GPX5: variants seen among roughly 807,000 people sequenced by gnomAD.
GPX5 encodes glutathione peroxidase 5.
GPX5 carries 20 observed loss-of-function variants against 23.8 expected under a neutral mutation model. The ratio of observed to expected loss-of-function variants is 0.84; its 90% CI spans 0.59 to 1.22. The LOEUF (loss-of-function observed/expected upper bound fraction) is 1.22, where lower values mean the gene tolerates loss of function less well. GPX5 is among the 50% of genes most tolerant of loss of function. GPX5 has a pLI of 0.00. For synonymous variants in GPX5, 92 were observed against 99.5 expected (o/e 0.92, Z 0.45); for missense variants, 230 against 266.6 (o/e 0.86, Z 0.96).
intron 1 of GPX5, chr6:28,528,434 C>T: frequency 6.6e-6 from 1 of 152,118 alleles, no homozygotes; most frequent in Non-Finnish European, 1.5e-5. Flanking sequence ...AGTGTTCTTT[C>T]TACTCTACCT....
rs911217423 is a variant in GPX5 at position 28,532,109 on chromosome 6, A to T, written c.360-212A>T. Among the ~76,000 whole-genome samples, 4 of 152,150 alleles carry T rather than the reference A, an allele frequency of 2.6e-5. No individual in the cohort carries two copies. In the East Asian group the frequency reaches 7.8e-4, roughly 30 times the overall value. On this transcript the variant is annotated intron_variant, in intron 3 of 4. Coordinates refer to ENST00000412168, the MANE Select transcript of GPX5 (RefSeq NM_001509.3). ...CTGAGACTTGGATGGACTATGGAGG[A>T]CAGAAGGGATGGAGGAAAAGAGACA... is the stretch of plus-strand genomic sequence containing the variant.
At chr6:28,533,160 T>A (rs1345398363) in intron 4 of GPX5, among the ~76,000 whole-genome samples, 1 of 150,998 alleles carries the variant, frequency 6.6e-6, no homozygotes, top group Non-Finnish European at 1.5e-5. Context: ...CCAACAGGTA[T>A]GATACAGTGT....
rs1763342315 is a variant in GPX5, at chr6:28,532,332, CA to C, written c.372del (p.Gly126GlufsTer15). 4 of 1,574,458 alleles carry C rather than the reference CA, an allele frequency of 2.5e-6. No homozygotes were observed. The Middle Eastern group carries it at 5.0e-4, about 198-fold the overall frequency. On this transcript the variant is annotated frameshift_variant, in exon 4 of 5. Transcript: ENST00000412168. LOFTEE classifies it high-confidence loss of function. ...ATGGCTTGTTGCAGGTATGTCCGTC[CA>C]GGGGGAGGATTTGTACCTAGTTTCC... The part of the protein sequence containing the change: ...EILPGLKYVR[P>X]GGGFVPSFQL...
In GPX5 at chr6:28,534,243, G is replaced by T; in HGVS notation, c.*76G>T. The T allele has an allele frequency of 9.4e-7, 1 of 1,061,950 alleles. No homozygotes were observed. The highest frequency in any genetic ancestry group is 1.3e-6 in the Non-Finnish European group (1 of 746,372). 65.8% of individuals were successfully genotyped at this position (1,061,950 alleles called of 1,614,324 possible). A position where few individuals can be genotyped will look rare whatever the true frequency, so the allele number is the denominator to read the frequency against. ...CTCTCCCCACCCCTCCAAAAAAAAG[G>T]AATACCCATCTTCTCACCACACTCT... On this transcript the variant is annotated 3_prime_UTR_variant, in exon 5 of 5. Coordinates refer to ENST00000412168, the MANE Select transcript of GPX5 (RefSeq NM_001509.3).
At chr6:28,529,097 T>G (rs1763264281) in intron 1 of GPX5, among the ~76,000 whole-genome samples, 1 of 151,726 alleles carries the variant, frequency 6.6e-6, no homozygotes, top group African/African-American at 2.4e-5. Context: ...AACTATCTTT[T>G]TTTTTTCTCA....
At chr6:28,531,141 G>A (rs1763303375) in intron 2 of GPX5, among the ~76,000 whole-genome samples, 1 of 148,220 alleles carries the variant, frequency 6.7e-6, no homozygotes, top group Non-Finnish European at 1.5e-5. Flanking sequence ...TCCACTCAGG[G>A]TGAGCCAGGC....
intron 1 of GPX5, chr6:28,528,318 G>T (rs969794237): frequency 1.3e-5 from 2 of 152,134 alleles, no homozygotes; most frequent in African/African-American, 2.4e-5. Flanking sequence ...TAAGAATCTA[G>T]ATAAATATCT....
Position 28,531,839 on chromosome 6 carries a change from C to T in GPX5, c.303C>T (p.Cys101=), listed in dbSNP as rs1008381281. The change falls in exon 3 of 5, where the codon TGC becomes TGT. Residue 101 remains cysteine, a synonymous_variant. Transcript: ENST00000412168. ...GTCTAGTTGTGTTGGGCTTTCCCTG[C>T]AACCAATTTGGAAAGCAAGAACCAG... The part of the protein sequence containing the change: ...PYGLVVLGFP[C]NQFGKQEPGD... 2 of 1,613,822 alleles carry T rather than the reference C, an allele frequency of 1.2e-6. No individual in the cohort carries two copies. Among genetic ancestry groups the T allele is most frequent in the South Asian group, 1.1e-5 (1 of 91,060 alleles).
rs1763384160 is a variant in GPX5 at position 28,534,278 on chromosome 6, T to C, written c.*111T>C. The C allele has an allele frequency of 2.9e-6, 2 of 682,680 alleles. No individual in the cohort carries two copies. Among genetic ancestry groups the C allele is most frequent in the Non-Finnish European group, 4.7e-6 (2 of 425,938 alleles). 42.3% of individuals were successfully genotyped at this position (682,680 alleles called of 1,614,324 possible). On this transcript the variant is annotated 3_prime_UTR_variant, in exon 5 of 5. Coordinates refer to ENST00000412168, the MANE Select transcript of GPX5 (RefSeq NM_001509.3). ...CTTCTCACCACACTCTCTTCCTGCA[T>C]GGGCTCCACCTGAGTAAATCACCGC...
At chr6:28,530,572 C>T (rs1386641601) in intron 2 of GPX5, among the ~76,000 whole-genome samples, 1 of 152,172 alleles carries the variant, frequency 6.6e-6, no homozygotes, top group African/African-American at 2.4e-5. Context: ...CCCTCCCCAG[C>T]TGATAACACA....
At position 28,534,652 on chromosome 6, in the gene GPX5, C is replaced by T. The variant is rs1419606768; in HGVS notation, c.*485C>T. On this transcript the variant is annotated 3_prime_UTR_variant, in exon 5 of 5. Coordinates refer to ENST00000412168, the MANE Select transcript of GPX5 (RefSeq NM_001509.3). The stretch of plus-strand genomic sequence containing the variant: ...AGGACAAACGTGTATCATCAGTTTC[C>T]AACTGTTTTGGCTCAGTTTTCATCC... 6.5e-6 allele frequency: 1 copy of T among 153,034 alleles called. No homozygotes were observed. Among genetic ancestry groups the T allele is most frequent in the Non-Finnish European group, 1.5e-5 (1 of 68,692 alleles). The allele number at this position is 153,034 out of a possible 1,614,324, so 9.5% of individuals were successfully genotyped here. A position where few individuals can be genotyped will look rare whatever the true frequency, so the allele number is the denominator to read the frequency against.
At chr6:28,531,030 T>G (rs28382602) in intron 2 of GPX5, among the ~76,000 whole-genome samples, 10,273 of 152,168 alleles carry the variant, frequency 0.068, 391 homozygotes, top group African/African-American at 0.092. Flanking sequence ...GGATTTTTAG[T>G]AAGAATGCAT....
intron 1 of GPX5, chr6:28,528,395 C>A (rs184621547): frequency 6.6e-6 from 1 of 152,274 alleles, no homozygotes; most frequent in African/African-American, 2.4e-5. Context: ...AGGAATTTAA[C>A]AATGGAGCTG....
chr6:28,530,708 A>C lies in GPX5; in HGVS notation c.242-1070A>C, dbSNP rs564077695. Among the ~76,000 whole-genome samples the C allele has an allele frequency of 2.6e-4, 39 of 152,348 alleles. 1 individual carries two copies. The East Asian group carries it at 7.3e-3, about 29-fold the overall frequency. On this transcript the variant is annotated intron_variant, in intron 2 of 4. Coordinates refer to ENST00000412168, the MANE Select transcript of GPX5 (RefSeq NM_001509.3). ...ACCACAATTTATTTTCCCAGTTTAT[A>C]GGGACTTTAAGAATCGATTTATTCA...
At chr6:28,531,240 A>C (rs985318297) in intron 2 of GPX5, among the ~76,000 whole-genome samples, 32 of 141,934 alleles carry the variant, frequency 2.3e-4, no homozygotes, top group Non-Finnish European at 1.1e-4. Flanking sequence ...GCATGGTAGC[A>C]AGTGCCTGTA....
At chr6:28,530,388 T>C (rs1314068814) in intron 2 of GPX5, among the ~76,000 whole-genome samples, 1 of 152,184 alleles carries the variant, frequency 6.6e-6, no homozygotes, top group African/African-American at 2.4e-5. Flanking sequence ...TTTGAAGTAA[T>C]AAGACCTTCA....
At position 28,529,488 on chromosome 6, in the gene GPX5, A is replaced by C. The variant is rs1440398401; in HGVS notation, c.125A>C (p.Asp42Ala). 6.2e-7 allele frequency: 1 copy of C among 1,612,892 alleles called. No individual in the cohort carries two copies. Among genetic ancestry groups the C allele is most frequent in the East Asian group, 2.2e-5 (1 of 44,856 alleles). ...AAAGACGAGAAAGGCACCATCTATG[A>C]CTATGAGGCCATCGCACTTAATAAG... ...CHKDEKGTIY[D>A]YEAIALNKNE... The change falls in exon 2 of 5, where the codon GAC becomes GCC. Residue 42 changes from aspartate to alanine, a missense_variant. Asp to Ala is a moderately radical substitution (Grantham distance 126, BLOSUM62 -2). Coordinates refer to ENST00000412168, the MANE Select transcript of GPX5 (RefSeq NM_001509.3).
chr6:28,531,777 GA>G lies in GPX5; in HGVS notation c.243del (p.Glu81AspfsTer2). On this transcript the variant is annotated frameshift_variant and splice_region_variant, in exon 3 of 5. Coordinates refer to ENST00000412168, the MANE Select transcript of GPX5 (RefSeq NM_001509.3). LOFTEE classifies it high-confidence loss of function. ...TYCGLTAQYP[E>X]LNALQEELKP... ...CAAAATTGTTCCTCCTCTAACTGCA[GA>G]ACTAAATGCACTCCAGGAGGAGCTG... The G allele has an allele frequency of 6.2e-7, 1 of 1,600,870 alleles. No individual in the cohort carries two copies. The highest frequency in any genetic ancestry group is 8.5e-7 in the Non-Finnish European group (1 of 1,171,530).
chr6:28,534,228 C>A lies in GPX5; in HGVS notation c.*61C>A. 1.6e-6 allele frequency: 2 copies of A among 1,256,854 alleles called. No individual in the cohort carries two copies. The highest frequency in any genetic ancestry group is 2.6e-5 in the Admixed American group (1 of 39,046). The allele number at this position is 1,256,854 out of a possible 1,614,324, so 77.9% of individuals were successfully genotyped here. A position where few individuals can be genotyped will look rare whatever the true frequency, so the allele number is the denominator to read the frequency against. The stretch of plus-strand genomic sequence containing the variant: ...TCACCTAATGACTTGCTCTCCCCAC[C>A]CCTCCAAAAAAAAGGAATACCCATC... On this transcript the variant is annotated 3_prime_UTR_variant, in exon 5 of 5. Transcript: ENST00000412168.
Sources: gnomAD v4.1 joint callset for allele counts (sites outside exome capture counted in the v4.1 genomes callset) on GRCh38, gnomAD v4.1.1 for gene constraint, MANE v1.5 for transcripts, NCBI Gene and HGNC (gene_info 2026-07-23, HGNC 2026-07-21) for gene names.